The following QKI variants were observed in gnomAD, a reference collection of about 807,000 sequenced individuals.
QKI encodes the protein QKI, KH domain containing RNA binding.
Under a neutral mutation model 39.0 loss-of-function variants are expected in QKI, and 10 were observed. The observed-to-expected ratio is 0.26, with a 90% CI of 0.16 to 0.43. The LOEUF (loss-of-function observed/expected upper bound fraction) is 0.43. Ranked by LOEUF, QKI falls within the 20% of genes least tolerant of loss-of-function variation. The pLI is 1.00. For missense variants in QKI, 218 were observed against 428.0 expected, an observed-to-expected ratio of 0.51 and a Z score of 4.33; for synonymous variants, 204 against 155.4, an observed-to-expected ratio of 1.31 and a Z score of -2.33.
Position 163,547,307 on chromosome 6 carries a change from T to A in QKI, c.546+12182T>A, listed in dbSNP as rs1288106381. ...CTTCATTATATACAGAGACTTAGAT[T>A]TCATAATGTAAATGAGAATAGAACA... On this transcript the variant is annotated intron_variant, in intron 4 of 7. Coordinates refer to ENST00000361752, the MANE Select transcript of QKI (RefSeq NM_006775.3). 1.3e-5 allele frequency among the ~76,000 whole-genome samples: 2 copies of A among 152,182 alleles called. 1 individual carries two copies. The highest frequency in any genetic ancestry group is 4.8e-5 in the African/African-American group (2 of 41,448).
chr6:163,568,310 C>CT, intron 7 of QKI: 1 of 985,108 alleles, frequency 1.0e-6, no homozygotes. Context: ...CACCATTTTG[C>CT]TTTAACACAA....
chr6:163,418,813 A>T (rs1405815670), intron 1 of QKI, among the ~76,000 whole-genome samples: 3 of 152,188 alleles, frequency 2.0e-5, no homozygotes, highest in Non-Finnish European at 4.4e-5. Context: ...TTGTTATAAT[A>T]AAGTTTTGTA....
intron 3 of QKI, among the ~76,000 whole-genome samples, chr6:163,533,838 G>A (rs1281985597): frequency 6.6e-6 from 1 of 152,000 alleles, no homozygotes; most frequent in Non-Finnish European, 1.5e-5. Context: ...TCCTAAAGAT[G>A]TGTTGATTAA....
intron 4 of QKI, among the ~76,000 whole-genome samples, chr6:163,555,591 A>C (rs771634980): frequency 6.8e-6 from 1 of 146,846 alleles, no homozygotes; most frequent in Non-Finnish European, 1.5e-5. Context: ...GATGCTTCCA[A>C]TAGGAGCCTA....
At chr6:163,557,141 G>A (rs1014919232) in intron 4 of QKI, among the ~76,000 whole-genome samples, 1 of 152,168 alleles carries the variant, frequency 6.6e-6, no homozygotes, top group Admixed American at 6.5e-5. Flanking sequence ...TAAAACAGAT[G>A]AACTACAGCG....
chr6:163,539,311 A>G (rs1163312662), intron 4 of QKI, among the ~76,000 whole-genome samples: 4 of 152,144 alleles, frequency 2.6e-5, no homozygotes, highest in African/African-American at 9.7e-5. Flanking sequence ...TTGCCAGTCA[A>G]TTTGTTTTTT....
chr6:163,430,099 G>T (rs553001659), intron 1 of QKI, among the ~76,000 whole-genome samples: 1 of 152,092 alleles, frequency 6.6e-6, no homozygotes. Context: ...CACAGGGAAC[G>T]GTGTTCTTGA....
intron 4 of QKI, among the ~76,000 whole-genome samples, chr6:163,550,721 T>C (rs944410731): frequency 4.6e-5 from 7 of 152,016 alleles, no homozygotes; most frequent in Non-Finnish European, 8.8e-5. Flanking sequence ...CTGAGGCAGG[T>C]GGATCACCTG....
At position 163,468,074 on chromosome 6, in the gene QKI, A is replaced by G. The variant is rs116868165; in HGVS notation, c.286-10706A>G. Among the ~76,000 whole-genome samples the G allele has an allele frequency of 4.0e-3, 606 of 152,244 alleles. 1 individual carries two copies. The highest frequency in any genetic ancestry group is 6.1e-3 in the Non-Finnish European group (415 of 67,986). ...TTACATACTTGTATAAGATAGGCCC[A>G]CTAGTGTTGACTAGATTGGGTGTGG... On this transcript the variant is annotated intron_variant, in intron 2 of 7. Coordinates refer to ENST00000361752, the MANE Select transcript of QKI (RefSeq NM_006775.3).
intron 3 of QKI, among the ~76,000 whole-genome samples, chr6:163,520,351 A>T (rs1480751237): frequency 3.3e-5 from 5 of 152,154 alleles, no homozygotes; most frequent in Middle Eastern, 3.2e-3. Flanking sequence ...TAGAATATGT[A>T]AAAAATGGCA....
intron 3 of QKI, among the ~76,000 whole-genome samples, chr6:163,525,590 C>T (rs922637905): frequency 1.3e-5 from 2 of 152,136 alleles, no homozygotes; most frequent in South Asian, 2.1e-4. Flanking sequence ...AACTTCTGAC[C>T]TCGTGATCCT....
intron 3 of QKI, among the ~76,000 whole-genome samples, chr6:163,531,563 T>C (rs1256734933): frequency 6.6e-6 from 1 of 152,220 alleles, no homozygotes; most frequent in East Asian, 1.9e-4. Flanking sequence ...ATAAGTTTCT[T>C]TCTTAACTAG....
intron 5 of QKI, 91 bp from the exon 6 acceptor site, chr6:163,563,329 T>C (rs1161071371): frequency 8.2e-7 from 1 of 1,217,728 alleles, no homozygotes; most frequent in Non-Finnish European, 1.1e-6. Context: ...TCTTTCCTGC[T>C]TTTCCTTTCT....
At chr6:163,422,347 C>T (rs1209993481) in intron 1 of QKI, among the ~76,000 whole-genome samples, 1 of 152,032 alleles carries the variant, frequency 6.6e-6, no homozygotes, top group Admixed American at 6.6e-5. Context: ...GGAAATGAAT[C>T]GATTGTAAGA....
chr6:163,431,789 A>G (rs1173717698), intron 1 of QKI, among the ~76,000 whole-genome samples: 2 of 149,510 alleles, frequency 1.3e-5, no homozygotes, highest in Non-Finnish European at 3.0e-5. Context: ...GGAAGGCCCT[A>G]AAGATTTTTG....
In QKI at chr6:163,576,092, A is replaced by G. The variant is rs1288485251; in HGVS notation, c.*5382A>G. 1 of 152,214 alleles carries G rather than the reference A, an allele frequency of 6.6e-6. No individual in the cohort carries two copies. Among genetic ancestry groups the G allele is most frequent in the African/African-American group, 2.4e-5 (1 of 41,446 alleles). The allele number at this position is 152,214 out of a possible 1,614,324, so 9.4% of individuals were successfully genotyped here. A position where few individuals can be genotyped will look rare whatever the true frequency, so the allele number is the denominator to read the frequency against. ...TTTTTTACATTGTCACGAATTCCTTAATACCTTTATTTAAAATGGAAAAAA... is the reference window on the plus strand; with the variant it reads ...TTTTTTACATTGTCACGAATTCCTTGATACCTTTATTTAAAATGGAAAAAA... On this transcript the variant is annotated 3_prime_UTR_variant, in exon 8 of 8. Transcript: ENST00000361752.
intron 1 of QKI, among the ~76,000 whole-genome samples, chr6:163,439,869 C>T (rs567031271): frequency 1.3e-5 from 2 of 152,126 alleles, no homozygotes; most frequent in East Asian, 1.9e-4. Flanking sequence ...AGGCTGATCT[C>T]GAACTCCTGA....
intron 2 of QKI, among the ~76,000 whole-genome samples, chr6:163,459,720 C>G (rs900201839): frequency 6.6e-6 from 1 of 152,170 alleles, no homozygotes; most frequent in Non-Finnish European, 1.5e-5. Flanking sequence ...AGCAGGCACT[C>G]TGTGGTTTTT....
chr6:163,501,572 C>T (rs1270741536), intron 3 of QKI, among the ~76,000 whole-genome samples: 1 of 152,158 alleles, frequency 6.6e-6, no homozygotes, highest in African/African-American at 2.4e-5. Context: ...TTATAGTCTT[C>T]TTGTGTTTAA....
Sources: allele counts gnomAD v4.1 joint callset (sites outside exome capture counted in the v4.1 genomes callset), GRCh38; gene constraint gnomAD v4.1.1; transcripts MANE v1.5; gene names NCBI Gene and HGNC (gene_info 2026-07-23, HGNC 2026-07-21).